TMEM132A: variants seen among roughly 807,000 people sequenced by gnomAD.
TMEM132A encodes GRP78-binding protein.
TMEM132A carries 48 observed loss-of-function variants against 69.9 expected under a neutral mutation model. That is an observed-to-expected ratio of 0.69 (90% CI 0.55 to 0.87). TMEM132A has a LOEUF of 0.87. Ranked by LOEUF, TMEM132A falls within the 40% of genes least tolerant of loss-of-function variation. TMEM132A has a pLI of 0.00. For missense variants in TMEM132A, 1,287 were observed against 1,407.2 expected, an observed-to-expected ratio of 0.91 and a Z score of 1.37; for synonymous variants, 577 against 613.7, an observed-to-expected ratio of 0.94 and a Z score of 0.88.
intron 3 of TMEM132A, 80 bp from the exon 4 acceptor site, chr11:60,928,549 T>C: frequency 7.3e-7 from 1 of 1,366,300 alleles, no homozygotes. Context: ...AGCTCTGGGT[T>C]TCCTGCCATG....
chr11:60,933,832 C>T (rs1385280456), intron 8 of TMEM132A, 88 bp downstream of exon 8: 4 of 1,310,648 alleles, frequency 3.1e-6, no homozygotes, highest in African/African-American at 1.5e-5. Context: ...GGGCCCAAGT[C>T]GGGGTCAGAA....
At chr11:60,928,350 G>T (rs1856397834) in intron 3 of TMEM132A, among the ~76,000 whole-genome samples, 1 of 152,182 alleles carries the variant, frequency 6.6e-6, no homozygotes, top group African/African-American at 2.4e-5. Flanking sequence ...ATAGTCCTGG[G>T]CTTGGTTAGG....
At chr11:60,933,241 T>G in intron 7 of TMEM132A, 1 of 363,574 alleles carries the variant, frequency 2.8e-6, no homozygotes, top group African/African-American at 2.1e-5. Flanking sequence ...TGGAGTGCAA[T>G]GGTACAGTCC....
chr11:60,933,783 G>A (rs1036189547), intron 8 of TMEM132A, 39 bp downstream of exon 8: 8 of 1,527,260 alleles, frequency 5.2e-6, no homozygotes, highest in Non-Finnish European at 7.1e-6. Context: ...GCCTTGGCGA[G>A]TCACACTGGG....
In TMEM132A at chr11:60,936,782, G is replaced by A; in HGVS notation, c.2947G>A (p.Ala983Thr). Residue 983 changes from alanine to threonine, a missense_variant, in exon 11 of 11, where the codon GCC becomes ACC. Ala to Thr is a moderately conservative substitution (Grantham distance 58). Transcript: ENST00000453848. ...PAQSPEEPVG[A>T]PAVQSILVAG... The stretch of plus-strand genomic sequence containing the variant: ...CCAGTCACCTGAGGAGCCTGTAGGG[G>A]CCCCTGCTGTGCAGTCCATCCTTGT... 6.2e-6 allele frequency: 10 copies of A among 1,613,278 alleles called. No homozygotes were observed. The highest frequency in any genetic ancestry group is 8.5e-6 in the Non-Finnish European group (10 of 1,179,732).
intron 8 of TMEM132A, 86 bp from the exon 9 acceptor site, chr11:60,934,402 C>T (rs1856544819): frequency 2.5e-6 from 3 of 1,212,072 alleles, no homozygotes; most frequent in South Asian, 2.3e-5. Context: ...CCGCCGGGGA[C>T]GAGCTGCGGG....
At chr11:60,924,769 C>G in intron 1 of TMEM132A, 36 bp downstream of exon 1, 1 of 1,421,680 alleles carries the variant, frequency 7.0e-7, no homozygotes, top group Non-Finnish European at 9.3e-7. Flanking sequence ...GAGGGGCGGC[C>G]GGGCCCGGCC....
chr11:60,936,173 C>T lies in TMEM132A; in HGVS notation c.2338C>T (p.Pro780Ser), dbSNP rs1447798519. The T allele has an allele frequency of 1.2e-6, 2 of 1,613,986 alleles. No individual in the cohort carries two copies. Among genetic ancestry groups the T allele is most frequent in the Non-Finnish European group, 1.7e-6 (2 of 1,179,924 alleles). ...STPAPALPSS[P>S]AWSPPATEAT... ...TCCAGCCCCTGCTCTCCCATCCAGC[C>T]CTGCTTGGAGCCCACCAGCCACAGA... is the stretch of plus-strand genomic sequence containing the variant. The change falls in exon 11 of 11, where the codon CCT becomes TCT. Residue 780 changes from proline (P) to serine (S), a missense_variant. By Grantham distance (74) the Pro-to-Ser change is moderately conservative. Transcript: ENST00000453848.
intron 7 of TMEM132A, chr11:60,933,306 C>T: frequency 1.8e-6 from 1 of 547,686 alleles, no homozygotes; most frequent in Non-Finnish European, 3.2e-6. Flanking sequence ...CCTCAGCCTC[C>T]CCAGTAGCTA....
chr11:60,935,607 G>A lies in TMEM132A; in HGVS notation c.2028+164G>A. 1 of 836,074 alleles carries A rather than the reference G, an allele frequency of 1.2e-6. No homozygotes were observed. Among genetic ancestry groups the A allele is most frequent in the Non-Finnish European group, 1.8e-6 (1 of 547,594 alleles). The allele number at this position is 836,074 out of a possible 1,614,324, so 51.8% of individuals were successfully genotyped here. A position where few individuals can be genotyped will look rare whatever the true frequency, so the allele number is the denominator to read the frequency against. The stretch of plus-strand genomic sequence containing the variant: ...GCTCTCTGCAGCTGGAGGTGATCAA[G>A]CAGTGGCTGGAGTATGGCAGTGGGA... On this transcript the variant is annotated intron_variant, in intron 10 of 10. Transcript: ENST00000453848. The surrounding 1 kb of genome is among the most constrained non-coding windows in gnomAD (Gnocchi z 5.0).
intron 7 of TMEM132A, 131 bp downstream of exon 7, chr11:60,932,258 A>G (rs1325448172): frequency 8.9e-7 from 1 of 1,129,264 alleles, no homozygotes; most frequent in African/African-American, 1.6e-5. Flanking sequence ...ACCTCATGGG[A>G]GGAACCACAG....
Position 60,936,831 on chromosome 11 carries a change from G to A in TMEM132A, c.2996G>A (p.Trp999Ter), listed in dbSNP as rs781440243. 2 of 1,610,976 alleles carry A rather than the reference G, an allele frequency of 1.2e-6. No homozygotes were observed. The highest frequency in any genetic ancestry group is 1.7e-6 in the Non-Finnish European group (2 of 1,178,808). Reference sequence around the variant, plus strand: ...GTGGCAGGCGAGGAGGACATCCGCTGGGTGTGTGAGGACATGGGGCTGAAG... The same window carrying A: ...GTGGCAGGCGAGGAGGACATCCGCTAGGTGTGTGAGGACATGGGGCTGAAG... ...ILVAGEEDIR[W>*]VCEDMGLKDP... is the part of the protein sequence containing the mutation. Residue 999 changes from tryptophan (W) to a stop codon, truncating the protein, a stop_gained, in exon 11 of 11, where the codon TGG becomes TAG. Coordinates refer to ENST00000453848, the MANE Select transcript of TMEM132A (RefSeq NM_178031.3). LOFTEE classifies it high-confidence loss of function.
chr11:60,927,015 A>T (rs1856360132), intron 1 of TMEM132A, 189 bp from the exon 2 acceptor site: 1 of 640,580 alleles, frequency 1.6e-6, no homozygotes, highest in Admixed American at 2.4e-5. Flanking sequence ...TGGCTTTGCT[A>T]CATACTACCT....
At chr11:60,930,798 G>A (rs1215527129) in intron 5 of TMEM132A, 139 bp downstream of exon 5, 4 of 810,372 alleles carry the variant, frequency 4.9e-6, no homozygotes, top group African/African-American at 3.5e-5. Context: ...CAAGGAAGCA[G>A]CACAAAGCAG....
intron 1 of TMEM132A, 63 bp downstream of exon 1, chr11:60,924,796 T>A (rs1322288430): frequency 1.7e-6 from 2 of 1,202,540 alleles, no homozygotes; most frequent in South Asian, 3.0e-5. Flanking sequence ...GAGCGAGTGA[T>A]GCCCGGGAGC....
intron 8 of TMEM132A, chr11:60,933,987 A>C: frequency 1.4e-5 from 8 of 553,012 alleles, no homozygotes; most frequent in Non-Finnish European, 1.9e-5. Context: ...CCACTTCCTA[A>C]TCTACGTCAG....
chr11:60,935,220 GC>G lies in TMEM132A; in HGVS notation c.1837-26del. The stretch of plus-strand genomic sequence containing the variant: ...TGGGTGGGGGCTGTCTGTATGGAAG[GC>G]CCCCCACCTCCAGCTCCTTTCCACC... On this transcript the variant is annotated intron_variant, in intron 9 of 10. Coordinates refer to ENST00000453848, the MANE Select transcript of TMEM132A (RefSeq NM_178031.3). The surrounding 1 kb of genome is among the most constrained non-coding windows in gnomAD (Gnocchi z 5.0). 1 of 1,566,238 alleles carries G rather than the reference GC, an allele frequency of 6.4e-7. No individual in the cohort carries two copies. The highest frequency in any genetic ancestry group is 8.7e-7 in the Non-Finnish European group (1 of 1,153,610).
Position 60,927,398 on chromosome 11 carries a change from C to G in TMEM132A, c.295C>G (p.Pro99Ala), listed in dbSNP as rs371122841. 1.2e-6 allele frequency: 2 copies of G among 1,612,600 alleles called. No individual in the cohort carries two copies. The highest frequency in any genetic ancestry group is 2.7e-5 in the African/African-American group (2 of 74,846). Reference protein sequence around the residue: ...RAQPLLRASYPPFATQQVVPP... With the variant: ...RAQPLLRASYAPFATQQVVPP... ...CCAGCCACTTCTCCGGGCCTCCTAC[C>G]CACCTTTTGCCACTCAGCAGGTAAG... The change falls in exon 2 of 11, where the codon CCA becomes GCA. Residue 99 changes from proline (P) to alanine (A), a missense_variant. Transcript: ENST00000453848.
At chr11:60,933,805 G>T in intron 8 of TMEM132A, 61 bp downstream of exon 8, 2 of 1,451,716 alleles carry the variant, frequency 1.4e-6, no homozygotes, top group Non-Finnish European at 1.9e-6. Flanking sequence ...CGGAGAGGGC[G>T]CAGGGGACAC....
Sources: gnomAD v4.1 joint callset for allele counts (sites outside exome capture counted in the v4.1 genomes callset) on GRCh38, gnomAD v4.1.1 for gene constraint, Gnocchi (gnomAD v3.1) non-coding constraint, MANE v1.5 for transcripts, NCBI Gene and HGNC (gene_info 2026-07-23, HGNC 2026-07-21) for gene names.